The following PLA2G2F variants were observed in gnomAD, a reference collection of about 807,000 sequenced individuals.
The protein encoded by PLA2G2F is phospholipase A2 group IIF.
A neutral mutation model predicts 15.9 loss-of-function variants in PLA2G2F; 17 were observed. That is an observed-to-expected ratio of 1.07 (90% CI 0.73 to 1.60). The LOEUF (loss-of-function observed/expected upper bound fraction) is 1.60, where lower values mean the gene tolerates loss of function less well. PLA2G2F is among the 40% of genes most tolerant of loss of function. The pLI, the probability that PLA2G2F is intolerant of heterozygous loss-of-function variation, is 0.00. For synonymous variants in PLA2G2F, 119 were observed against 106.5 expected (o/e 1.12, Z -0.72); for missense variants, 299 against 278.2 (o/e 1.07, Z -0.53).
intron 1 of PLA2G2F, 91 bp from the exon 2 acceptor site, chr1:20,140,075 C>G: frequency 7.4e-7 from 1 of 1,344,860 alleles, no homozygotes; most frequent in Non-Finnish European, 1.1e-6. Flanking sequence ...ATTGATGACA[C>G]CTGTCCTGAG....
chr1:20,144,223 C>T lies in PLA2G2F; in HGVS notation c.315-357C>T, dbSNP rs139401305. On this transcript the variant is annotated intron_variant, in intron 3 of 4. Coordinates refer to ENST00000375102, the MANE Select transcript of PLA2G2F (RefSeq NM_022819.4). ...AGGGGTGGCCTCTGCCTACAGTCGACGCTCCTCCAACCTTGACGTAAACCT... is the reference window on the plus strand; with the variant it reads ...AGGGGTGGCCTCTGCCTACAGTCGATGCTCCTCCAACCTTGACGTAAACCT... The T allele has an allele frequency of 2.1e-4, 57 of 277,740 alleles. 1 individual carries two copies. Among genetic ancestry groups the T allele is most frequent in the Middle Eastern group, 2.5e-3 (2 of 798 alleles). The allele number at this position is 277,740 out of a possible 1,614,324, so 17.2% of individuals were successfully genotyped here. A position where few individuals can be genotyped will look rare whatever the true frequency, so the allele number is the denominator to read the frequency against.
At chr1:20,147,669 C>CA (rs2017640081) in intron 4 of PLA2G2F, among the ~76,000 whole-genome samples, 1 of 152,066 alleles carries the variant, frequency 6.6e-6, no homozygotes, top group Admixed American at 6.5e-5. Context: ...AGGCTGGTCT[C>CA]CAACTCCTGA....
intron 3 of PLA2G2F, 65 bp from the exon 4 acceptor site, chr1:20,144,515 G>T (rs1006358607): frequency 2.1e-4 from 234 of 1,115,340 alleles, no homozygotes; most frequent in Non-Finnish European, 3.0e-4. Flanking sequence ...ATGATCAGAG[G>T]TCTCTGCTGG....
intron 4 of PLA2G2F, among the ~76,000 whole-genome samples, chr1:20,145,604 TTTAATTAA>T (rs140888490): frequency 3.3e-5 from 5 of 150,798 alleles, no homozygotes; most frequent in African/African-American, 1.2e-4. Flanking sequence ...TACCTGAAAT[TTTAATTAA>T]TTAATTAATT....
rs149961609 is a variant in PLA2G2F, at chr1:20,146,946, C to T, written c.425-1244C>T. On this transcript the variant is annotated intron_variant, in intron 4 of 4. Coordinates refer to ENST00000375102, the MANE Select transcript of PLA2G2F (RefSeq NM_022819.4). ...CCCTGGGGCCATCAGAGCCAGAGGCCCTGAGAGGTGCTGGTCACAGTCCCT... is the reference window on the plus strand; with the variant it reads ...CCCTGGGGCCATCAGAGCCAGAGGCTCTGAGAGGTGCTGGTCACAGTCCCT... Among the ~76,000 whole-genome samples, 420 of 152,258 alleles carry T rather than the reference C, an allele frequency of 2.8e-3. 3 individuals carry two copies. Among genetic ancestry groups the T allele is most frequent in the African/African-American group, 9.7e-3 (402 of 41,548 alleles).
chr1:20,146,027 C>T (rs926230422), intron 4 of PLA2G2F, among the ~76,000 whole-genome samples: 15 of 152,350 alleles, frequency 9.8e-5, no homozygotes, highest in Non-Finnish European at 1.6e-4. Context: ...TCTGATGCTC[C>T]AGTCCTGGAA....
intron 3 of PLA2G2F, chr1:20,144,191 C>T: frequency 4.1e-6 from 1 of 241,790 alleles, no homozygotes; most frequent in Non-Finnish European, 8.1e-6. Flanking sequence ...GGCCATGAGG[C>T]ACAGCCAGGG....
At chr1:20,143,352 G>A in intron 2 of PLA2G2F, 94 bp from the exon 3 acceptor site, 2 of 1,478,144 alleles carry the variant, frequency 1.4e-6, no homozygotes, top group South Asian at 2.6e-5. Flanking sequence ...CCTAGGTATT[G>A]GGAGGATGGT....
chr1:20,143,735 G>C (rs1203767927), intron 3 of PLA2G2F, 145 bp downstream of exon 3: 7 of 1,013,406 alleles, frequency 6.9e-6, no homozygotes, highest in Admixed American at 2.8e-5. Flanking sequence ...ACCAGAGCCT[G>C]GTCTTTGACT....
intron 2 of PLA2G2F, 95 bp from the exon 3 acceptor site, chr1:20,143,351 T>A: frequency 6.8e-7 from 1 of 1,472,796 alleles, no homozygotes; most frequent in East Asian, 2.3e-5. Context: ...CCCTAGGTAT[T>A]GGGAGGATGG....
At position 20,148,273 on chromosome 1, in the gene PLA2G2F, C is replaced by G; in HGVS notation, c.508C>G (p.Arg170Gly). ...MVLCLMNQTY[R>G]EEYRGFLNVY... ...TCTGTGCCTCATGAACCAGACGTAC[C>G]GAGAGGAGTACCGTGGCTTCCTCAA... Residue 170 changes from arginine (R) to glycine (G), a missense_variant, in exon 5 of 5, where the codon CGA (arginine) becomes GGA (glycine). Transcript: ENST00000375102. 1 of 1,614,056 alleles carries G rather than the reference C, an allele frequency of 6.2e-7. No individual in the cohort carries two copies. Among genetic ancestry groups the G allele is most frequent in the East Asian group, 2.2e-5 (1 of 44,864 alleles).
At chr1:20,140,384 GTT>G in intron 2 of PLA2G2F, 166 bp downstream of exon 2, 1 of 677,526 alleles carries the variant, frequency 1.5e-6, no homozygotes, top group Non-Finnish European at 2.5e-6. Context: ...TTCTGGGGCT[GTT>G]TACCCCTCCA....
At position 20,139,562 on chromosome 1, in the gene PLA2G2F, G is replaced by A. The variant is rs961272560; in HGVS notation, c.116+19G>A. 2 of 1,469,556 alleles carry A rather than the reference G, an allele frequency of 1.4e-6. No homozygotes were observed. Among genetic ancestry groups the A allele is most frequent in the Non-Finnish European group, 1.8e-6 (2 of 1,099,060 alleles). The allele number at this position is 1,469,556 out of a possible 1,614,324, so 91.0% of individuals were successfully genotyped here. A position where few individuals can be genotyped will look rare whatever the true frequency, so the allele number is the denominator to read the frequency against. The stretch of plus-strand genomic sequence containing the variant: ...CCTCCAGGTAGGTGCCTGTTGCCCT[G>A]AGATGGAATCCTCCAGGGAGGGGCA... On this transcript the variant is annotated intron_variant, in intron 1 of 4. Transcript: ENST00000375102.
At chr1:20,146,399 C>G (rs573145022) in intron 4 of PLA2G2F, among the ~76,000 whole-genome samples, 1 of 152,316 alleles carries the variant, frequency 6.6e-6, no homozygotes, top group African/African-American at 2.4e-5. Context: ...TTCCAGGGAT[C>G]CAAGGTATTA....
chr1:20,141,346 G>A (rs1280606941), intron 2 of PLA2G2F: 1 of 152,404 alleles, frequency 6.6e-6, no homozygotes, highest in East Asian at 1.9e-4. Context: ...GTATGGGTGA[G>A]TGTAGGTGTA....
chr1:20,145,079 C>T (rs866947278), intron 4 of PLA2G2F, among the ~76,000 whole-genome samples: 10 of 150,206 alleles, frequency 6.7e-5, no homozygotes, highest in Non-Finnish European at 1.0e-4. Flanking sequence ...GACTCTGTCT[C>T]GAAGAAGAAA....
Position 20,143,562 on chromosome 1 carries a change from C to A in PLA2G2F, c.286C>A (p.Arg96Ser), listed in dbSNP as rs200114975. Residue 96 changes from arginine to serine, a missense_variant, in exon 3 of 5, where the codon CGT (arginine) becomes AGT (serine). Transcript: ENST00000375102. The stretch of plus-strand genomic sequence containing the variant: ...CGGTTGCTACTGTGGGCTGGGGGGC[C>A]GTGGCCAGCCCAAGGATGAGGTGGA... ...GYGCYCGLGG[R>S]GQPKDEVDWC... 3 of 1,613,922 alleles carry A rather than the reference C, an allele frequency of 1.9e-6. No individual in the cohort carries two copies. Among genetic ancestry groups the A allele is most frequent in the East Asian group, 4.5e-5 (2 of 44,860 alleles).
rs781034574 is a variant in PLA2G2F at position 20,144,654 on chromosome 1, A to T, written c.389A>T (p.Asp130Val). ...QGCHPYVDHY[D>V]HTIENNTEIV... ...TGTCACCCCTATGTGGACCACTATG[A>T]TCACACCATCGAGAACAACACTGAG... Residue 130 changes from aspartate to valine, a missense_variant, in exon 4 of 5, where the codon GAT becomes GTT. Physicochemically the swap from Asp to Val is radical, Grantham distance 152. Transcript: ENST00000375102. The T allele has an allele frequency of 2.5e-6, 4 of 1,610,820 alleles. No homozygotes were observed. Among genetic ancestry groups the T allele is most frequent in the South Asian group, 2.2e-5 (2 of 90,274 alleles).
intron 4 of PLA2G2F, 47 bp from the exon 5 acceptor site, chr1:20,148,143 C>T (rs2017648065): frequency 2.0e-6 from 3 of 1,477,048 alleles, no homozygotes; most frequent in Non-Finnish European, 2.8e-6. Flanking sequence ...CCTGGGGGAG[C>T]TGCTGCCCCT....
Sources: gnomAD v4.1 joint callset for allele counts (sites outside exome capture counted in the v4.1 genomes callset) on GRCh38, gnomAD v4.1.1 for gene constraint, MANE v1.5 for transcripts, NCBI Gene and HGNC (gene_info 2026-07-23, HGNC 2026-07-21) for gene names.